The following FKBP5 variants were observed in gnomAD, a reference collection of about 807,000 sequenced individuals.
FKBP5 encodes the protein FKBP prolyl isomerase 5, also known as peptidyl-prolyl cis-trans isomerase FKBP5.
FKBP5 carries 23 observed loss-of-function variants against 50.5 expected under a neutral mutation model. The observed-to-expected ratio is 0.46, with a 90% CI of 0.33 to 0.65. FKBP5 has a LOEUF of 0.65. FKBP5 is among the 30% of genes least tolerant of loss of function. The pLI, the probability that FKBP5 is intolerant of heterozygous loss-of-function variation, is 0.02. For synonymous variants in FKBP5, 176 were observed against 190.6 expected (o/e 0.92, Z 0.63); for missense variants, 411 against 553.1 (o/e 0.74, Z 2.58).
chr6:35,649,782 G>A (rs1185307784), intron 1 of FKBP5, among the ~76,000 whole-genome samples: 4 of 152,156 alleles, frequency 2.6e-5, no homozygotes, highest in Admixed American at 2.6e-4. Flanking sequence ...AGATGAAAAA[G>A]TCATGATGCA....
In FKBP5 at chr6:35,591,599, C is replaced by G. The variant is rs111493471; in HGVS notation, c.666-379G>C. On this transcript the variant is annotated intron_variant, in intron 6 of 10. Coordinates refer to ENST00000357266, the MANE Select transcript of FKBP5 (RefSeq NM_004117.4). ...CCAGGAATTTTCCCCTAAGTTTTAT[C>G]AGCAAAAAGGACAGAGAAGACACAG... Among the ~76,000 whole-genome samples, 1,104 of 151,588 alleles carry G rather than the reference C, an allele frequency of 7.3e-3. 11 individuals carry two copies. Among genetic ancestry groups the G allele is most frequent in the African/African-American group, 0.023 (952 of 41,308 alleles).
At chr6:35,628,811 A>G (rs1238598636) in intron 3 of FKBP5, among the ~76,000 whole-genome samples, 4 of 151,400 alleles carry the variant, frequency 2.6e-5, no homozygotes, top group African/African-American at 7.3e-5. Context: ...CTCCACTCCC[A>G]GGCTCAAGTG....
At chr6:35,630,347 G>C (rs1054239352) in intron 3 of FKBP5, among the ~76,000 whole-genome samples, 17 of 152,092 alleles carry the variant, frequency 1.1e-4, no homozygotes, top group Admixed American at 6.5e-5. Context: ...TGGAGATTGA[G>C]ACCATCCTCG....
rs763464091 is a variant in FKBP5 at position 35,597,308 on chromosome 6, A to G, written c.605T>C (p.Ile202Thr). Residue 202 changes from isoleucine (I) to threonine (T), a missense_variant, in exon 6 of 11, where the codon ATT (isoleucine) becomes ACT (threonine). Physicochemically the swap from Ile to Thr is moderately conservative, Grantham distance 89. Transcript: ENST00000357266. Reference protein sequence around the residue: ...EGEDHDIPIGIDKALEKMQRE... With the variant: ...EGEDHDIPIGTDKALEKMQRE... ...CTGCATTTTCTCCAGAGCTTTGTCA[A>G]TTCCAATTGGAATGTCGTGGTCTTC... 2.5e-6 allele frequency: 4 copies of G among 1,614,162 alleles called. No individual in the cohort carries two copies. Among genetic ancestry groups the G allele is most frequent in the Non-Finnish European group, 3.4e-6 (4 of 1,180,024 alleles).
At chr6:35,579,935 ATG>A in intron 9 of FKBP5, 99 bp downstream of exon 9, 1 of 914,700 alleles carries the variant, frequency 1.1e-6, no homozygotes. Context: ...AAAAAGCAAA[ATG>A]AAAAATCCTG....
chr6:35,694,517 A>T (rs1465143645), intron 2 of FKBP5, among the ~76,000 whole-genome samples: 1 of 152,150 alleles, frequency 6.6e-6, no homozygotes, highest in East Asian at 1.9e-4. Context: ...ATTGTATTTT[A>T]AAAAATCATT....
intron 1 of FKBP5, among the ~76,000 whole-genome samples, chr6:35,649,186 G>A (rs1172780950): frequency 6.7e-6 from 1 of 148,584 alleles, no homozygotes; most frequent in Non-Finnish European, 1.5e-5. Flanking sequence ...GGGAGGCAGA[G>A]CTTGCAGTGA....
intron 2 of FKBP5, among the ~76,000 whole-genome samples, chr6:35,718,073 A>C (rs1004850112): frequency 6.6e-6 from 1 of 152,148 alleles, no homozygotes; most frequent in Non-Finnish European, 1.5e-5. Flanking sequence ...TCTCTGTTCT[A>C]GTAGTGGAGA....
chr6:35,586,523 T>C (rs994931309), intron 8 of FKBP5: 17 of 985,306 alleles, frequency 1.7e-5, no homozygotes, highest in Non-Finnish European at 2.1e-5. Context: ...TCTCAGCACT[T>C]TGGGAAGCTG....
chr6:35,690,003 T>C (rs1765953374), upstream of FKBP5, among the ~76,000 whole-genome samples: 1 of 152,250 alleles, frequency 6.6e-6, no homozygotes, highest in African/African-American at 2.4e-5. Context: ...AGAAACCTGA[T>C]GTCCCATAGC....
intron 3 of FKBP5, among the ~76,000 whole-genome samples, chr6:35,621,587 C>T (rs191134990): frequency 2.7e-5 from 4 of 148,166 alleles, no homozygotes; most frequent in African/African-American, 1.0e-4. Flanking sequence ...CACTGCACTC[C>T]AGCCTGGGCG....
intron 2 of FKBP5, among the ~76,000 whole-genome samples, chr6:35,714,258 C>T: frequency 7.0e-6 from 1 of 143,638 alleles, no homozygotes. Context: ...TCAAGACCAG[C>T]CTGGCCAACA....
intron 3 of FKBP5, among the ~76,000 whole-genome samples, chr6:35,624,993 G>A (rs187207232): frequency 1.2e-4 from 18 of 152,336 alleles, no homozygotes; most frequent in African/African-American, 4.1e-4. Context: ...ACAGAATGGA[G>A]AGCATCAATT....
intron 10 of FKBP5, among the ~76,000 whole-genome samples, chr6:35,576,208 T>TA (rs1762206369): frequency 2.0e-5 from 3 of 152,104 alleles, no homozygotes; most frequent in Non-Finnish European, 4.4e-5. Context: ...AACTATGCTG[T>TA]AGGGAGGCCG....
chr6:35,667,962 C>T (rs1048480422), intron 1 of FKBP5, among the ~76,000 whole-genome samples: 4 of 151,058 alleles, frequency 2.6e-5, no homozygotes, highest in African/African-American at 7.3e-5. Context: ...GAGACTCTTT[C>T]GAAAAGAAAA....
chr6:35,580,476 A>T, intron 8 of FKBP5: 8 of 235,092 alleles, frequency 3.4e-5, no homozygotes, highest in East Asian at 1.6e-4. Context: ...CAGCAGGTGT[A>T]GTACAGCAAG....
intron 1 of FKBP5, among the ~76,000 whole-genome samples, chr6:35,680,776 T>C (rs1039960782): frequency 6.6e-6 from 1 of 152,242 alleles, no homozygotes; most frequent in Non-Finnish European, 1.5e-5. Context: ...AGTTCTAGGA[T>C]AGTAAAAACT....
chr6:35,701,180 G>T (rs1341764635), intron 2 of FKBP5, among the ~76,000 whole-genome samples: 1 of 151,452 alleles, frequency 6.6e-6, no homozygotes, highest in Non-Finnish European at 1.5e-5. Context: ...ATTCAGATAA[G>T]AATTTAACTA....
At chr6:35,622,040 C>CTT (rs1763860753) in intron 3 of FKBP5, among the ~76,000 whole-genome samples, 1 of 152,030 alleles carries the variant, frequency 6.6e-6, no homozygotes, top group Non-Finnish European at 1.5e-5. Flanking sequence ...AAGAGATGAA[C>CTT]CCCAGAGGAA....
Sources: gnomAD v4.1 joint callset for allele counts (sites outside exome capture counted in the v4.1 genomes callset) on GRCh38, gnomAD v4.1.1 for gene constraint, MANE v1.5 for transcripts, NCBI Gene and HGNC (gene_info 2026-07-23, HGNC 2026-07-21) for gene names.